The following SV2B variants were observed in gnomAD, a reference collection of about 807,000 sequenced individuals.
The protein encoded by SV2B is synaptic vesicle glycoprotein 2B, also known as solute carrier family 22 member B2.
Under a neutral mutation model 73.9 loss-of-function variants are expected in SV2B, and 41 were observed. The observed-to-expected ratio is 0.56, with a 90% CI of 0.43 to 0.72. The LOEUF is 0.72. Among genes scored for constraint, SV2B ranks in the 30% least tolerant of loss-of-function variants. SV2B has a pLI of 0.00. For synonymous variants in SV2B, 314 were observed against 314.2 expected, an observed-to-expected ratio of 1.00 and a Z score of 0.01; for missense variants, 764 against 857.8, an observed-to-expected ratio of 0.89 and a Z score of 1.37.
chr15:91,173,804 GT>G (rs1258438356), intron 1 of SV2B, among the ~76,000 whole-genome samples: 2 of 152,200 alleles, frequency 1.3e-5, no homozygotes, highest in African/African-American at 4.8e-5. Context: ...TGGAGAAAAT[GT>G]TGGGCAAAAG....
At position 91,288,808 on chromosome 15, in the gene SV2B, G is replaced by T. The variant is rs967326902; in HGVS notation, c.1709-713G>T. Reference sequence around the variant, plus strand: ...TTCTCGTGCCTCAGCCTCCCAAGTAGCTGGGATTACAGGTGTGCACCACCG... The same window carrying T: ...TTCTCGTGCCTCAGCCTCCCAAGTATCTGGGATTACAGGTGTGCACCACCG... On this transcript the variant is annotated intron_variant, in intron 11 of 12. Coordinates refer to ENST00000394232, the MANE Select transcript of SV2B (RefSeq NM_001323032.3). The surrounding 1 kb of genome is among the most constrained non-coding windows in gnomAD (Gnocchi z 5.8). Among the ~76,000 whole-genome samples, 64 of 152,106 alleles carry T rather than the reference G, an allele frequency of 4.2e-4. No homozygotes were observed. The highest frequency in any genetic ancestry group is 4.1e-3 in the Admixed American group (62 of 15,276).
chr15:91,142,468 AAATACAGG>A (rs1258419784), intron 1 of SV2B, among the ~76,000 whole-genome samples: 2 of 152,228 alleles, frequency 1.3e-5, no homozygotes, highest in Admixed American at 1.3e-4. Context: ...GATGCTGAGG[AAATACAGG>A]AATGCTCATG....
chr15:91,153,811 G>A (rs571927801), intron 1 of SV2B, among the ~76,000 whole-genome samples: 26 of 81,038 alleles, frequency 3.2e-4, no homozygotes, highest in Admixed American at 2.0e-3. Context: ...GTGAGGGCAG[G>A]GGCAGGGGCA....
At chr15:91,183,791 T>C (rs1044068937) in intron 1 of SV2B, among the ~76,000 whole-genome samples, 3 of 152,212 alleles carry the variant, frequency 2.0e-5, no homozygotes, top group Non-Finnish European at 2.9e-5. Context: ...CCACATTCAC[T>C]TGTGATTAGC....
intron 1 of SV2B, among the ~76,000 whole-genome samples, chr15:91,111,238 A>G (rs1296802715): frequency 6.6e-6 from 1 of 152,112 alleles, no homozygotes; most frequent in African/African-American, 2.4e-5. Flanking sequence ...TCCCAGGTTT[A>G]TGTCTTGTTA....
At chr15:91,204,029 C>A (rs1286687709) in intron 1 of SV2B, among the ~76,000 whole-genome samples, 2 of 152,092 alleles carry the variant, frequency 1.3e-5, no homozygotes, top group Non-Finnish European at 2.9e-5. Context: ...ATAATTGAGC[C>A]CTGGTTGGGT....
In SV2B at chr15:91,226,714, G is replaced by C; in HGVS notation, c.451G>C (p.Gly151Arg). The part of the protein sequence containing the change: ...CLSSSKKGML[G>R]MIVYLGMMAG... ...GTCCAGTTCCAAAAAAGGAATGCTA[G>C]GTAAGTGGAAATTTCCAATGATCCC... The change falls in exon 2 of 13, where the codon GGG (glycine) becomes CGG (arginine). Residue 151 changes from glycine to arginine, a missense_variant and splice_region_variant. Transcript: ENST00000394232. The C allele has an allele frequency of 2.5e-6, 4 of 1,599,220 alleles. No individual in the cohort carries two copies. The highest frequency in any genetic ancestry group is 3.4e-6 in the Non-Finnish European group (4 of 1,178,006).
chr15:91,205,136 C>T (rs1201902243), intron 1 of SV2B, among the ~76,000 whole-genome samples: 4 of 152,138 alleles, frequency 2.6e-5, no homozygotes, highest in African/African-American at 4.8e-5. Context: ...TCATTTTCTT[C>T]TAGAAAGCTT....
rs546127727 is a variant in SV2B, at chr15:91,268,144, G to T, written c.1209-297G>T. 1.8e-4 allele frequency among the ~76,000 whole-genome samples: 28 copies of T among 152,156 alleles called. No homozygotes were observed. The highest frequency in any genetic ancestry group is 3.4e-4 in the Non-Finnish European group (23 of 68,036). ...GTGTTTCCCTATTCACTAAGATTCT[G>T]GCTGAGACATGTATATTTTACATGT... On this transcript the variant is annotated intron_variant, in intron 8 of 12. Transcript: ENST00000394232. The surrounding 1 kb of genome is among the most constrained non-coding windows in gnomAD (Gnocchi z 4.4).
rs2042250269 is a variant in SV2B, at chr15:91,118,898, G to A, written c.-392+18535G>A. Among the ~76,000 whole-genome samples the A allele has an allele frequency of 6.6e-6, 1 of 152,196 alleles. No homozygotes were observed. Among genetic ancestry groups the A allele is most frequent in the East Asian group, 1.9e-4 (1 of 5,198 alleles). The stretch of plus-strand genomic sequence containing the variant: ...TCTTGCCTCCTCTCATCGGCTCTGT[G>A]TGGAGACTTGCAATACTTTATATAC... On this transcript the variant is annotated intron_variant, in intron 1 of 12. Coordinates refer to ENST00000394232, the MANE Select transcript of SV2B (RefSeq NM_001323032.3). The surrounding 1 kb of genome is among the most constrained non-coding windows in gnomAD (Gnocchi z 4.7).
chr15:91,103,774 G>A (rs983426988), intron 1 of SV2B, among the ~76,000 whole-genome samples: 1 of 152,178 alleles, frequency 6.6e-6, no homozygotes, highest in African/African-American at 2.4e-5. Context: ...CAGAGAGTCT[G>A]GCTGGGTGTC....
At chr15:91,199,338 G>C (rs975128807) in intron 1 of SV2B, among the ~76,000 whole-genome samples, 8 of 152,272 alleles carry the variant, frequency 5.3e-5, no homozygotes, top group African/African-American at 1.9e-4. Context: ...GGCAGACCCA[G>C]GTCTAACAGA....
At chr15:91,195,862 A>G (rs142645177) in intron 1 of SV2B, among the ~76,000 whole-genome samples, 16 of 152,354 alleles carry the variant, frequency 1.1e-4, no homozygotes, top group African/African-American at 3.6e-4. Flanking sequence ...CATAATTGCC[A>G]TCAGTGTGTT....
rs1253875589 is a variant in SV2B, at chr15:91,236,136, T to G, written c.451+9422T>G. Among the ~76,000 whole-genome samples the G allele has an allele frequency of 1.3e-5, 2 of 152,256 alleles. No individual in the cohort carries two copies. Among genetic ancestry groups the G allele is most frequent in the African/African-American group, 4.8e-5 (2 of 41,472 alleles). On this transcript the variant is annotated intron_variant, in intron 2 of 12. Transcript: ENST00000394232. This position sits in a 1 kb window ranked among gnomAD's most constrained non-coding sequence, Gnocchi z 4.1. ...AAAGCAAGGATGTCTCAGGACATTCTGTCCACTTTGCCTGCAGAATATCTC... is the reference window on the plus strand; with the variant it reads ...AAAGCAAGGATGTCTCAGGACATTCGGTCCACTTTGCCTGCAGAATATCTC...
At chr15:91,134,067 C>T (rs1353604248) in intron 1 of SV2B, among the ~76,000 whole-genome samples, 10 of 132,096 alleles carry the variant, frequency 7.6e-5, no homozygotes, top group African/African-American at 2.1e-4. Flanking sequence ...GGCGTGATCT[C>T]GGCTCACTGC....
intron 9 of SV2B, among the ~76,000 whole-genome samples, chr15:91,271,668 G>C (rs2048321461): frequency 6.6e-6 from 1 of 152,116 alleles, no homozygotes; most frequent in Admixed American, 6.5e-5. Flanking sequence ...TGAATAAAAA[G>C]GGTATTTTTC....
chr15:91,162,469 A>AT (rs1387392804), intron 1 of SV2B, among the ~76,000 whole-genome samples: 1 of 152,206 alleles, frequency 6.6e-6, no homozygotes, highest in Non-Finnish European at 1.5e-5. Flanking sequence ...ATATTATTGT[A>AT]TTAGCTTTTT....
At chr15:91,116,524 C>A (rs1277702926) in intron 1 of SV2B, among the ~76,000 whole-genome samples, 1 of 152,158 alleles carries the variant, frequency 6.6e-6, no homozygotes, top group Non-Finnish European at 1.5e-5. Context: ...CTGCACTTCA[C>A]AATGACAGGA....
chr15:91,210,595 C>A (rs2045820902), intron 1 of SV2B, among the ~76,000 whole-genome samples: 1 of 152,096 alleles, frequency 6.6e-6, no homozygotes, highest in Non-Finnish European at 1.5e-5. Context: ...TTGATATCAT[C>A]CCTTCTAGCC....
Sources: allele counts gnomAD v4.1 joint callset (sites outside exome capture counted in the v4.1 genomes callset), GRCh38; gene constraint gnomAD v4.1.1; non-coding constraint Gnocchi (gnomAD v3.1); transcripts MANE v1.5; gene names NCBI Gene and HGNC (gene_info 2026-07-23, HGNC 2026-07-21).